SMAD7: variants seen among roughly 807,000 people sequenced by gnomAD.
SMAD7 encodes SMAD family member 7.
In SMAD7, 8 loss-of-function variants were observed where a neutral mutation model predicts 38.7. That is an observed-to-expected ratio of 0.21 (90% CI 0.12 to 0.37). The LOEUF (loss-of-function observed/expected upper bound fraction) is 0.37. SMAD7 is among the 10% of genes least tolerant of loss of function. SMAD7 has a pLI of 1.00. For synonymous variants in SMAD7, 327 were observed against 265.1 expected (o/e 1.23, Z -2.27); for missense variants, 477 against 577.9 (o/e 0.83, Z 1.79).
chr18:48,944,744 T>A (rs1039815826), intron 2 of SMAD7, among the ~76,000 whole-genome samples: 3 of 152,114 alleles, frequency 2.0e-5, no homozygotes, highest in Admixed American at 6.5e-5. Flanking sequence ...ACAGAAAAGC[T>A]CCGCATAGAC....
chr18:48,949,721 A>C, intron 1 of SMAD7, 91 bp downstream of exon 1: 1 of 1,391,726 alleles, frequency 7.2e-7, no homozygotes, highest in Non-Finnish European at 9.7e-7. Flanking sequence ...CTCCCCCTGG[A>C]GGGATGGCTG....
At chr18:48,946,162 A>T (rs1163275139) in intron 2 of SMAD7, among the ~76,000 whole-genome samples, 1 of 152,216 alleles carries the variant, frequency 6.6e-6, no homozygotes, top group Non-Finnish European at 1.5e-5. Flanking sequence ...CACAGGATGT[A>T]TTCCTTTAGT....
chr18:48,933,483 T>G (rs2070027110), intron 3 of SMAD7: 2 of 152,230 alleles, frequency 1.3e-5, no homozygotes, highest in East Asian at 3.9e-4. Context: ...ATAATAGGTG[T>G]CAATACATAT....
At chr18:48,929,569 T>TCTCACACACACA (rs3082710) in intron 3 of SMAD7, among the ~76,000 whole-genome samples, 2,502 of 114,584 alleles carry the variant, frequency 0.022, 48 homozygotes, top group Non-Finnish European at 0.022. Flanking sequence ...TCTCTCTCTC[T>TCTCACACACACA]CACTCACACA....
At chr18:48,944,871 C>G (rs957085756) in intron 2 of SMAD7, among the ~76,000 whole-genome samples, 1 of 152,222 alleles carries the variant, frequency 6.6e-6, no homozygotes, top group African/African-American at 2.4e-5. Context: ...TAAGTGTTAT[C>G]AAGCACTTGG....
At chr18:48,948,286 C>A in intron 2 of SMAD7, 98 bp downstream of exon 2, 3 of 740,932 alleles carry the variant, frequency 4.0e-6, no homozygotes, top group South Asian at 3.7e-5. Context: ...TGAAGCCCAG[C>A]ACCTCCCCAA....
chr18:48,928,829 C>A (rs1453805382), intron 3 of SMAD7, among the ~76,000 whole-genome samples: 4 of 152,166 alleles, frequency 2.6e-5, no homozygotes, highest in African/African-American at 9.7e-5. Flanking sequence ...CTCCTAAGAG[C>A]ATTTATCTCG....
intron 3 of SMAD7, among the ~76,000 whole-genome samples, chr18:48,929,550 TTC>T (rs377221337): frequency 0.16 from 12,184 of 77,376 alleles, 731 homozygotes; most frequent in African/African-American, 0.25. Flanking sequence ...CTTTCTCTCT[TTC>T]TCTCTCTCTC....
chr18:48,931,484 G>A lies in SMAD7; in HGVS notation c.743-9574C>T, dbSNP rs55633018. The stretch of plus-strand genomic sequence containing the variant: ...CCCCTGCAGATGTATACAAATTGTG[G>A]TATAGCATGCATTTTTCTGAACAGA... On this transcript the variant is annotated intron_variant, in intron 3 of 3. Transcript: ENST00000262158. Among the ~76,000 whole-genome samples, 351 of 152,264 alleles carry A rather than the reference G, an allele frequency of 2.3e-3. 2 individuals carry two copies. The highest frequency in any genetic ancestry group is 8.2e-3 in the African/African-American group (340 of 41,544).
Position 48,949,990 on chromosome 18 carries a change from C to A in SMAD7, c.435G>T (p.Gln145His). 6.3e-7 allele frequency: 1 copy of A among 1,588,252 alleles called. No individual in the cohort carries two copies. Among genetic ancestry groups the A allele is most frequent in the Non-Finnish European group, 8.6e-7 (1 of 1,168,574 alleles). The change falls in exon 1 of 4, where the codon CAG becomes CAT. Residue 145 changes from glutamine (Q) to histidine (H), a missense_variant. Coordinates refer to ENST00000262158, the MANE Select transcript of SMAD7 (RefSeq NM_005904.4). ...RLGPGAPAGA[Q>H]PAQPPSSYSL... is the part of the protein sequence containing the mutation. Reference sequence around the variant, plus strand: ...AGTAGGACGAGGGCGGCTGCGCAGGCTGCGCGCCGGCGGGCGCCCCCGGGC... The same window carrying A: ...AGTAGGACGAGGGCGGCTGCGCAGGATGCGCGCCGGCGGGCGCCCCCGGGC...
At chr18:48,941,070 A>ATC (rs1013420400) in intron 3 of SMAD7, among the ~76,000 whole-genome samples, 1 of 152,202 alleles carries the variant, frequency 6.6e-6, no homozygotes, top group Non-Finnish European at 1.5e-5. Flanking sequence ...AAATAAAACC[A>ATC]TCTAACAACA....
At chr18:48,949,369 G>T in intron 1 of SMAD7, 1 of 650,288 alleles carries the variant, frequency 1.5e-6, no homozygotes, top group Non-Finnish European at 1.9e-6. Flanking sequence ...AGCCTTTATA[G>T]CACGCCTCTC....
At chr18:48,938,196 GAC>G (rs1213558864) in intron 3 of SMAD7, among the ~76,000 whole-genome samples, 3 of 152,198 alleles carry the variant, frequency 2.0e-5, no homozygotes, top group African/African-American at 7.2e-5. Context: ...CTGAGACTAT[GAC>G]AGATGCCAGC....
At position 48,921,881 on chromosome 18, in the gene SMAD7, G is replaced by T. The variant is rs201671248; in HGVS notation, c.772C>A (p.Arg258=). The T allele has an allele frequency of 6.2e-7, 1 of 1,608,968 alleles. No homozygotes were observed. Among genetic ancestry groups the T allele is most frequent in the East Asian group, 2.2e-5 (1 of 44,850 alleles). Residue 258 remains arginine, a synonymous_variant, in exon 4 of 4, where the codon CGG becomes AGG. Coordinates refer to ENST00000262158, the MANE Select transcript of SMAD7 (RefSeq NM_005904.4). The surrounding 1 kb of genome is among the most constrained non-coding windows in gnomAD (Gnocchi z 6.4). ...TATGCCACCACGCACCAGTGTGACC[G>T]ATCCCCAGGCTCCAGAAGAAGTTGG... ...DSQLLLEPGD[R]SHWCVVAYWE...
chr18:48,925,753 T>C (rs1599220875), intron 3 of SMAD7, among the ~76,000 whole-genome samples: 1 of 37,978 alleles, frequency 2.6e-5, no homozygotes, highest in Non-Finnish European at 5.7e-5. Context: ...AATGTTTTTC[T>C]TTTTTTTTTT....
At chr18:48,930,925 T>C (rs549629409) in intron 3 of SMAD7, among the ~76,000 whole-genome samples, 11 of 152,292 alleles carry the variant, frequency 7.2e-5, no homozygotes, top group African/African-American at 2.6e-4. Flanking sequence ...CAAGTGTCCA[T>C]CAAGCAATAA....
intron 2 of SMAD7, among the ~76,000 whole-genome samples, chr18:48,947,439 C>G (rs2070207444): frequency 6.6e-6 from 1 of 152,230 alleles, no homozygotes; most frequent in South Asian, 2.1e-4. Flanking sequence ...TGGTGCCCAA[C>G]CCTTCACTTT....
At position 48,950,594 on chromosome 18, in the gene SMAD7, T is replaced by C; in HGVS notation, c.-170A>G. 2.2e-6 allele frequency: 1 copy of C among 453,116 alleles called. No individual in the cohort carries two copies. 28.1% of individuals were successfully genotyped at this position (453,116 alleles called of 1,614,324 possible). On this transcript the variant is annotated 5_prime_UTR_variant, in exon 1 of 4. The change abolishes an upstream ATG in the 5' untranslated region. Transcript: ENST00000262158. Reference sequence around the variant, plus strand: ...GCGGCCCGAGGGGCGCTCCGTGGCATGCGCCAGTCTCCCGGAGGCCGGGGC... The same window carrying C: ...GCGGCCCGAGGGGCGCTCCGTGGCACGCGCCAGTCTCCCGGAGGCCGGGGC...
At chr18:48,927,311 A>ATT (rs11409814) in intron 3 of SMAD7, among the ~76,000 whole-genome samples, 96 of 148,808 alleles carry the variant, frequency 6.5e-4, no homozygotes, top group Admixed American at 2.0e-3. Flanking sequence ...AGAACACTGG[A>ATT]TTTTTTTTTT....
Sources: gnomAD v4.1 joint callset for allele counts (sites outside exome capture counted in the v4.1 genomes callset) on GRCh38, gnomAD v4.1.1 for gene constraint, Gnocchi (gnomAD v3.1) non-coding constraint, MANE v1.5 for transcripts, NCBI Gene and HGNC (gene_info 2026-07-23, HGNC 2026-07-21) for gene names.